MPDZ: variants seen among roughly 807,000 people sequenced by gnomAD.
MPDZ encodes multiple PDZ domain protein.
MPDZ carries 234 observed loss-of-function variants against 239.1 expected under a neutral mutation model. The observed-to-expected ratio is 0.98, with a 90% CI of 0.88 to 1.09. The LOEUF (loss-of-function observed/expected upper bound fraction) is 1.09, where lower values mean the gene tolerates loss of function less well. MPDZ is among the 50% of genes least tolerant of loss of function. The pLI, the probability that MPDZ is intolerant of heterozygous loss-of-function variation, is 0.00. For missense variants in MPDZ, 3,175 were observed against 2,510.0 expected (o/e 1.26, Z -5.66); for synonymous variants, 1,048 against 881.3 (o/e 1.19, Z -3.35).
In MPDZ at chr9:13,110,003, C is replaced by A; in HGVS notation, c.5891G>T (p.Ser1964Ile). Residue 1964 changes from serine (S) to isoleucine (I), a missense_variant, in exon 45 of 47, where the codon AGT becomes ATT. Physicochemically the swap from Ser to Ile is moderately radical, Grantham distance 142. Coordinates refer to ENST00000319217, the MANE Select transcript of MPDZ (RefSeq NM_001378778.1). ...TGHQQEPASSSLSFTGLTSSS... is the reference protein window; with the variant it reads ...TGHQQEPASSILSFTGLTSSS... ...TGACGTCAGCCCAGTGAAAGAAAGACTGGAACTTGCAGGCTCCTGCTGATG... is the reference window on the plus strand; with the variant it reads ...TGACGTCAGCCCAGTGAAAGAAAGAATGGAACTTGCAGGCTCCTGCTGATG... The A allele has an allele frequency of 3.1e-6, 5 of 1,613,450 alleles. No homozygotes were observed. Among genetic ancestry groups the A allele is most frequent in the Non-Finnish European group, 4.2e-6 (5 of 1,179,736 alleles).
intron 19 of MPDZ, among the ~76,000 whole-genome samples, chr9:13,181,247 G>A (rs1056470805): frequency 1.3e-5 from 2 of 151,912 alleles, no homozygotes; most frequent in East Asian, 1.9e-4. Flanking sequence ...TATACTATAC[G>A]GTATTACTTT....
chr9:13,193,077 T>C (rs578003892), intron 14 of MPDZ, 90 bp downstream of exon 14: 2 of 1,242,894 alleles, frequency 1.6e-6, no homozygotes, highest in African/African-American at 3.0e-5. Flanking sequence ...GAGGGGAAAT[T>C]TAAAATGAGA....
intron 12 of MPDZ, among the ~76,000 whole-genome samples, chr9:13,198,696 G>T (rs1172666118): frequency 1.4e-5 from 2 of 138,962 alleles, no homozygotes; most frequent in Non-Finnish European, 3.2e-5. Context: ...TTTTCCTAAC[G>T]TTTCCTTCAG....
intron 35 of MPDZ, among the ~76,000 whole-genome samples, chr9:13,123,951 A>C (rs1944747283): frequency 6.6e-6 from 1 of 152,230 alleles, no homozygotes; most frequent in South Asian, 2.1e-4. Context: ...AAATGAATAG[A>C]TAAGAATAGA....
At chr9:13,115,931 G>C in intron 39 of MPDZ, among the ~76,000 whole-genome samples, 1 of 127,466 alleles carries the variant, frequency 7.8e-6, no homozygotes, top group African/African-American at 3.1e-5. Flanking sequence ...GTGACAGAGC[G>C]AGACTTGAGA....
intron 1 of MPDZ, among the ~76,000 whole-genome samples, chr9:13,271,733 A>G (rs557833429): frequency 1.3e-5 from 2 of 152,330 alleles, no homozygotes; most frequent in Admixed American, 1.3e-4. Flanking sequence ...GCACCATAAG[A>G]CAACGGAAGT....
At chr9:13,216,562 C>T (rs1318236899) in intron 10 of MPDZ, among the ~76,000 whole-genome samples, 1 of 151,868 alleles carries the variant, frequency 6.6e-6, no homozygotes, top group South Asian at 2.1e-4. Flanking sequence ...GGAAGTCTCC[C>T]GTTTGGAACT....
At chr9:13,113,580 A>T (rs1428069040) in intron 41 of MPDZ, among the ~76,000 whole-genome samples, 1 of 152,178 alleles carries the variant, frequency 6.6e-6, no homozygotes, top group African/African-American at 2.4e-5. Flanking sequence ...AAATTTTTGC[A>T]ATCTTCATGG....
At chr9:13,204,910 C>G (rs762778515) in intron 12 of MPDZ, 126 bp downstream of exon 12, 12 of 516,256 alleles carry the variant, frequency 2.3e-5, no homozygotes, top group Non-Finnish European at 3.8e-5. Context: ...GATTTACAAA[C>G]TTCACTTTTT....
chr9:13,165,559 C>T (rs1950977355), intron 22 of MPDZ: 1 of 728,222 alleles, frequency 1.4e-6, no homozygotes, highest in Admixed American at 2.7e-5. Context: ...CTCCCATCTA[C>T]ACCTCCCCCA....
intron 19 of MPDZ, among the ~76,000 whole-genome samples, chr9:13,178,574 T>G (rs945728301): frequency 6.6e-6 from 1 of 152,228 alleles, no homozygotes; most frequent in Admixed American, 6.5e-5. Context: ...CTAATCACTT[T>G]AAAGTTCCTA....
At chr9:13,269,195 A>C (rs548512507) in intron 1 of MPDZ, among the ~76,000 whole-genome samples, 1 of 152,324 alleles carries the variant, frequency 6.6e-6, no homozygotes, top group East Asian at 1.9e-4. Context: ...CAGTGATTTT[A>C]ATCTGGGAAA....
rs1956952786 is a variant in MPDZ at position 13,206,063 on chromosome 9, G to A, written c.1327C>T (p.Gln443Ter). 6.2e-7 allele frequency: 1 copy of A among 1,609,538 alleles called. No homozygotes were observed. The highest frequency in any genetic ancestry group is 8.5e-7 in the Non-Finnish European group (1 of 1,178,662). ...GTNLQGFTNQ[Q>*]AVEVLRHTGQ... ...GTATGTCGCAATACCTCTACTGCTT[G>A]CTGATTAGTAAAACCCTGAAGGTTT... The change falls in exon 11 of 47, where the codon CAA (glutamine) becomes TAA (stop). Residue 443 changes from glutamine (Q) to a stop codon, truncating the protein, a stop_gained. Coordinates refer to ENST00000319217, the MANE Select transcript of MPDZ (RefSeq NM_001378778.1). LOFTEE classifies it high-confidence loss of function.
At chr9:13,240,743 G>C (rs551378537) in intron 3 of MPDZ, among the ~76,000 whole-genome samples, 13 of 151,932 alleles carry the variant, frequency 8.6e-5, no homozygotes, top group African/African-American at 3.1e-4. Context: ...CTACCTCCTG[G>C]AACTGATGGA....
intron 23 of MPDZ, among the ~76,000 whole-genome samples, chr9:13,160,572 T>C (rs1950337543): frequency 6.6e-6 from 1 of 151,804 alleles, no homozygotes; most frequent in African/African-American, 2.4e-5. Flanking sequence ...GACATTGAAA[T>C]AATTGATTTT....
chr9:13,204,982 T>C, intron 12 of MPDZ, 54 bp downstream of exon 12: 1 of 1,193,134 alleles, frequency 8.4e-7, no homozygotes. Context: ...GTAAAAATCA[T>C]TTCTAAAAAA....
chr9:13,224,177 A>G (rs542773280), intron 4 of MPDZ, among the ~76,000 whole-genome samples, 197 bp downstream of exon 4: 1 of 152,224 alleles, frequency 6.6e-6, no homozygotes, highest in South Asian at 2.1e-4. Flanking sequence ...AATACAACAT[A>G]TAATACTCAA....
At position 13,186,181 on chromosome 9, in the gene MPDZ, A is replaced by T. The variant is rs145982829; in HGVS notation, c.2481+89T>A. On this transcript the variant is annotated intron_variant, in intron 18 of 46. Coordinates refer to ENST00000319217, the MANE Select transcript of MPDZ (RefSeq NM_001378778.1). ...TTCCAAATATAATAATGAACAAAGAATATAATAGACTTCTTCAGAATATTT... is the reference window on the plus strand; with the variant it reads ...TTCCAAATATAATAATGAACAAAGATTATAATAGACTTCTTCAGAATATTT... 685 of 620,568 alleles carry T rather than the reference A, an allele frequency of 1.1e-3. 3 individuals carry two copies. In the African/African-American group the frequency reaches 0.012, roughly 11 times the overall value. The allele number at this position is 620,568 out of a possible 1,614,324, so 38.4% of individuals were successfully genotyped here.
intron 3 of MPDZ, among the ~76,000 whole-genome samples, chr9:13,240,767 G>A (rs923122984): frequency 6.6e-6 from 1 of 151,852 alleles, no homozygotes; most frequent in African/African-American, 2.4e-5. Context: ...GTTAAATGAG[G>A]CAAAGTCTAT....
Sources: allele counts gnomAD v4.1 joint callset (sites outside exome capture counted in the v4.1 genomes callset), GRCh38; gene constraint gnomAD v4.1.1; transcripts MANE v1.5; gene names NCBI Gene and HGNC (gene_info 2026-07-23, HGNC 2026-07-21).